Variants in DNAJC8 observed in about 807,000 individuals in gnomAD.
DNAJC8 encodes the protein dnaJ homolog subfamily C member 8.
In DNAJC8, 24 loss-of-function variants were observed where a neutral mutation model predicts 43.2. The ratio of observed to expected loss-of-function variants is 0.56; its 90% CI spans 0.40 to 0.78. DNAJC8 has a LOEUF of 0.78. Ranked by LOEUF, DNAJC8 falls within the 30% of genes least tolerant of loss-of-function variation. DNAJC8 has a pLI of 0.00. For synonymous variants in DNAJC8, 83 were observed against 98.0 expected (o/e 0.85, Z 0.90); for missense variants, 207 against 299.4 (o/e 0.69, Z 2.28).
chr1:28,209,092 G>GA lies in DNAJC8; in HGVS notation c.400-680dup, dbSNP rs559113897. 8.5e-5 allele frequency among the ~76,000 whole-genome samples: 13 copies of GA among 152,260 alleles called. No individual in the cohort carries two copies. In the East Asian group the frequency reaches 2.5e-3, roughly 29 times the overall value. On this transcript the variant is annotated intron_variant, in intron 5 of 8. Coordinates refer to ENST00000263697, the MANE Select transcript of DNAJC8 (RefSeq NM_014280.3). ...GCCTAAGGATGACTTTCTTACAGGT[G>GA]AAAGACATACGAAGCCACAATGATT...
intron 2 of DNAJC8, among the ~76,000 whole-genome samples, chr1:28,221,212 G>C (rs1348242363): frequency 6.6e-6 from 1 of 151,934 alleles, no homozygotes; most frequent in Non-Finnish European, 1.5e-5. Flanking sequence ...GGTGGCGGGC[G>C]CCTGTAGTCC....
Position 28,201,115 on chromosome 1 carries a change from C to G in DNAJC8, c.*133G>C. Reference sequence around the variant, plus strand: ...AGAATTACTCTGATCGATATTAAATCGTATTGAAAACAAAATGGACTAAAA... The same window carrying G: ...AGAATTACTCTGATCGATATTAAATGGTATTGAAAACAAAATGGACTAAAA... On this transcript the variant is annotated 3_prime_UTR_variant, in exon 9 of 9. Coordinates refer to ENST00000263697, the MANE Select transcript of DNAJC8 (RefSeq NM_014280.3). The G allele has an allele frequency of 7.7e-7, 1 of 1,292,306 alleles. No homozygotes were observed. Among genetic ancestry groups the G allele is most frequent in the Non-Finnish European group, 1.1e-6 (1 of 935,964 alleles). The allele number at this position is 1,292,306 out of a possible 1,614,324, so 80.1% of individuals were successfully genotyped here.
intron 1 of DNAJC8, among the ~76,000 whole-genome samples, chr1:28,231,374 T>A (rs539123002): frequency 1.3e-5 from 2 of 152,256 alleles, no homozygotes; most frequent in East Asian, 3.9e-4. Flanking sequence ...AACTCTCTTG[T>A]TTTTACAGAT....
chr1:28,205,480 A>G (rs2149014966), intron 6 of DNAJC8, 131 bp from the exon 7 acceptor site: 2 of 627,434 alleles, frequency 3.2e-6, no homozygotes, highest in East Asian at 2.9e-5. Flanking sequence ...CGTGGCTCAC[A>G]TCTGTAATTC....
At chr1:28,215,343 G>A (rs1442867080) in intron 2 of DNAJC8, among the ~76,000 whole-genome samples, 1 of 151,880 alleles carries the variant, frequency 6.6e-6, no homozygotes, top group African/African-American at 2.4e-5. Flanking sequence ...TTTTGCAAAT[G>A]TCGAGAAACC....
chr1:28,226,688 T>C (rs1316724385), intron 2 of DNAJC8, among the ~76,000 whole-genome samples: 2 of 151,314 alleles, frequency 1.3e-5, no homozygotes, highest in Non-Finnish European at 3.0e-5. Context: ...TATATGTGTG[T>C]GTACCCAACT....
At chr1:28,202,201 G>A (rs114460614) in intron 8 of DNAJC8, among the ~76,000 whole-genome samples, 1,535 of 152,334 alleles carry the variant, frequency 0.01, 20 homozygotes, top group African/African-American at 0.035. Context: ...GACGAAATCA[G>A]TAATAATCAT....
intron 2 of DNAJC8, among the ~76,000 whole-genome samples, chr1:28,218,786 G>T (rs1646879300): frequency 6.6e-6 from 1 of 152,042 alleles, no homozygotes; most frequent in Admixed American, 6.6e-5. Context: ...ATGAAAATGA[G>T]AATTTTCATG....
chr1:28,216,102 A>G (rs1021221205), intron 2 of DNAJC8, among the ~76,000 whole-genome samples: 12 of 152,052 alleles, frequency 7.9e-5, no homozygotes, highest in Non-Finnish European at 1.3e-4. Context: ...TAATCCCAGT[A>G]CTTTGGGAGG....
chr1:28,224,426 C>G (rs1646919648), intron 2 of DNAJC8, among the ~76,000 whole-genome samples: 1 of 152,096 alleles, frequency 6.6e-6, no homozygotes, highest in Non-Finnish European at 1.5e-5. Context: ...CTCCATCACA[C>G]CCGGTTAATT....
chr1:28,202,280 ATTG>A (rs1646739784), intron 8 of DNAJC8, among the ~76,000 whole-genome samples: 3 of 151,770 alleles, frequency 2.0e-5, no homozygotes, highest in African/African-American at 7.3e-5. Flanking sequence ...TTTTGTTGTC[ATTG>A]TTGTTGTCTT....
chr1:28,205,033 T>C (rs757040927), intron 7 of DNAJC8, among the ~76,000 whole-genome samples: 30 of 151,876 alleles, frequency 2.0e-4, no homozygotes, highest in African/African-American at 7.3e-5. Flanking sequence ...AAAAAATAAA[T>C]AAAAAATACA....
At chr1:28,205,470 C>T (rs999407598) in intron 6 of DNAJC8, 121 bp from the exon 7 acceptor site, 8 of 662,576 alleles carry the variant, frequency 1.2e-5, no homozygotes, top group African/African-American at 5.5e-5. Flanking sequence ...GGCTGTGCAC[C>T]GTGGCTCACA....
intron 6 of DNAJC8, among the ~76,000 whole-genome samples, chr1:28,206,435 C>G (rs1035779083): frequency 3.9e-5 from 6 of 151,950 alleles, no homozygotes; most frequent in African/African-American, 1.5e-4. Flanking sequence ...ATAATATCCA[C>G]TAAGGTGGGA....
chr1:28,219,499 ACT>A (rs1187322408), intron 2 of DNAJC8, among the ~76,000 whole-genome samples: 1 of 152,058 alleles, frequency 6.6e-6, no homozygotes, highest in Non-Finnish European at 1.5e-5. Flanking sequence ...ACAGAGTGAG[ACT>A]CTGTCTCAAT....
chr1:28,228,348 C>CAAAAAAA (rs78440134), intron 2 of DNAJC8, among the ~76,000 whole-genome samples: 1 of 74,806 alleles, frequency 1.3e-5, no homozygotes, highest in African/African-American at 4.8e-5. Context: ...GACTCCGTCT[C>CAAAAAAA]AAAAAAAAAA....
intron 2 of DNAJC8, among the ~76,000 whole-genome samples, chr1:28,216,684 C>T (rs1230647428): frequency 2.0e-5 from 3 of 151,818 alleles, no homozygotes; most frequent in Admixed American, 2.0e-4. Flanking sequence ...ATTTTGGGGA[C>T]AGCTGGGCCC....
intron 2 of DNAJC8, among the ~76,000 whole-genome samples, chr1:28,217,712 A>G (rs1309395903): frequency 1.3e-5 from 2 of 152,152 alleles, no homozygotes; most frequent in South Asian, 2.1e-4. Context: ...AGGACGTCCA[A>G]ATAAATGAGA....
In DNAJC8 at chr1:28,201,083, G is replaced by T. The variant is rs927697971; in HGVS notation, c.*165C>A. The T allele has an allele frequency of 1.9e-6, 2 of 1,046,910 alleles. No individual in the cohort carries two copies. Among genetic ancestry groups the T allele is most frequent in the East Asian group, 2.5e-5 (1 of 40,204 alleles). 64.9% of individuals were successfully genotyped at this position (1,046,910 alleles called of 1,614,324 possible). ...TTTAAACCAAGCCCCTCATTTCAAT[G>T]TACAAAAGAATTACTCTGATCGATA... is the stretch of plus-strand genomic sequence containing the variant. On this transcript the variant is annotated 3_prime_UTR_variant, in exon 9 of 9. Transcript: ENST00000263697.
Sources: allele counts gnomAD v4.1 joint callset (sites outside exome capture counted in the v4.1 genomes callset), GRCh38; gene constraint gnomAD v4.1.1; transcripts MANE v1.5; gene names NCBI Gene and HGNC (gene_info 2026-07-23, HGNC 2026-07-21).